PTPRD: variants seen among roughly 807,000 people sequenced by gnomAD.
PTPRD encodes protein tyrosine phosphatase receptor type D, also known as receptor-type tyrosine-protein phosphatase delta.
PTPRD carries 34 observed loss-of-function variants against 214.5 expected under a neutral mutation model. The observed-to-expected ratio is 0.16, with a 90% confidence interval of 0.12 to 0.21. The LOEUF is 0.21. Ranked by LOEUF, PTPRD falls within the 10% of genes least tolerant of loss-of-function variation. The pLI, the probability that PTPRD is intolerant of heterozygous loss-of-function variation, is 1.00. For missense variants in PTPRD, 2,545 were observed against 2,398.7 expected (o/e 1.06, Z -1.27); for synonymous variants, 1,128 against 845.7 (o/e 1.33, Z -5.79).
At chr9:9,541,443 C>A (rs1203019335) in intron 8 of PTPRD, among the ~76,000 whole-genome samples, 1 of 151,798 alleles carries the variant, frequency 6.6e-6, no homozygotes, top group African/African-American at 2.4e-5. Context: ...CAGCCCAACC[C>A]AGCTACAACC....
chr9:9,990,132 G>T (rs1341581287), intron 4 of PTPRD, among the ~76,000 whole-genome samples: 1 of 152,188 alleles, frequency 6.6e-6, no homozygotes, highest in East Asian at 1.9e-4. Flanking sequence ...TGGATGAAAG[G>T]AATGTTGGTT....
intron 10 of PTPRD, among the ~76,000 whole-genome samples, chr9:9,167,768 A>C (rs1377915933): frequency 6.6e-6 from 1 of 152,146 alleles, no homozygotes; most frequent in Non-Finnish European, 1.5e-5. Flanking sequence ...ATAAATAAAT[A>C]AATAAGGAGA....
chr9:9,045,389 T>C (rs1043283522), intron 10 of PTPRD, among the ~76,000 whole-genome samples: 3 of 151,876 alleles, frequency 2.0e-5, no homozygotes, highest in Non-Finnish European at 4.4e-5. Flanking sequence ...TTCTAAGTCG[T>C]GAGCATGTGG....
intron 11 of PTPRD, among the ~76,000 whole-genome samples, chr9:8,845,020 C>G (rs2097658868): frequency 6.6e-6 from 1 of 152,080 alleles, no homozygotes; most frequent in Admixed American, 6.6e-5. Context: ...CTTGCACTGA[C>G]AAGTATAATA....
chr9:8,730,707 T>C (rs2098647710), intron 12 of PTPRD, among the ~76,000 whole-genome samples: 2 of 152,318 alleles, frequency 1.3e-5, no homozygotes, highest in South Asian at 4.1e-4. Flanking sequence ...AAGAAAAACA[T>C]TCACCTGAGG....
At chr9:8,497,998 C>T (rs529761896) in intron 25 of PTPRD, among the ~76,000 whole-genome samples, 10 of 152,258 alleles carry the variant, frequency 6.6e-5, no homozygotes, top group South Asian at 6.2e-4. Context: ...TTTTATACTA[C>T]GATAACTTTC....
At chr9:9,828,929 T>C (rs999378522) in intron 5 of PTPRD, among the ~76,000 whole-genome samples, 2 of 151,922 alleles carry the variant, frequency 1.3e-5, no homozygotes, top group African/African-American at 4.8e-5. Flanking sequence ...TTGCTGTAAA[T>C]GTAGACTTAC....
At chr9:9,420,132 TG>T (rs1325037975) in intron 8 of PTPRD, among the ~76,000 whole-genome samples, 1 of 151,680 alleles carries the variant, frequency 6.6e-6, no homozygotes, top group Non-Finnish European at 1.5e-5. Context: ...AATTTCTCCT[TG>T]TTAAAGTTTA....
At chr9:9,504,724 G>A (rs1332200) in intron 8 of PTPRD, among the ~76,000 whole-genome samples, 64,040 of 151,352 alleles carry the variant, frequency 0.42, 13,917 homozygotes, top group East Asian at 0.72. Flanking sequence ...CTCTATTTGT[G>A]AGATGACATG....
intron 2 of PTPRD, among the ~76,000 whole-genome samples, chr9:10,548,230 G>A (rs373438958): frequency 2.0e-5 from 3 of 152,052 alleles, no homozygotes; most frequent in Non-Finnish European, 4.4e-5. Flanking sequence ...GAACATATGC[G>A]GAATGAGCTT....
intron 7 of PTPRD, among the ~76,000 whole-genome samples, chr9:9,649,418 T>G (rs1473410357): frequency 6.6e-6 from 1 of 152,188 alleles, no homozygotes; most frequent in Non-Finnish European, 1.5e-5. Context: ...CTGCTTAAGT[T>G]TAATGGCATT....
chr9:8,331,804 CCACAAGAA>C, intron 43 of PTPRD, 68 bp from the exon 44 acceptor site: 2 of 1,474,280 alleles, frequency 1.4e-6, no homozygotes, highest in Non-Finnish European at 1.8e-6. Context: ...AGCATACGGA[CCACAAGAA>C]CAATCATTTT....
At chr9:9,138,194 T>A (rs2099854023) in intron 10 of PTPRD, among the ~76,000 whole-genome samples, 1 of 152,114 alleles carries the variant, frequency 6.6e-6, no homozygotes, top group Non-Finnish European at 1.5e-5. Context: ...AAAATGTGAC[T>A]CTTTTATCTG....
chr9:9,141,309 T>C (rs557143441), intron 10 of PTPRD, among the ~76,000 whole-genome samples: 73 of 150,994 alleles, frequency 4.8e-4, no homozygotes, highest in African/African-American at 1.7e-3. Context: ...AGTCATTTCA[T>C]GGAACACGGC....
At chr9:9,330,876 T>C (rs779171158) in intron 9 of PTPRD, among the ~76,000 whole-genome samples, 15 of 151,458 alleles carry the variant, frequency 9.9e-5, no homozygotes, top group Non-Finnish European at 1.5e-4. Context: ...AAAAATGTCA[T>C]ACAGGAGCAT....
chr9:8,772,662 A>T (rs1391916303), intron 11 of PTPRD, among the ~76,000 whole-genome samples: 2 of 152,124 alleles, frequency 1.3e-5, no homozygotes, highest in South Asian at 4.1e-4. Context: ...AATAAAAATA[A>T]TTTTTTAAAA....
chr9:10,308,057 GT>G (rs1332084397), intron 3 of PTPRD, among the ~76,000 whole-genome samples: 2 of 151,732 alleles, frequency 1.3e-5, no homozygotes, highest in East Asian at 3.9e-4. Flanking sequence ...GCTGTGCAGA[GT>G]TTTTAGTTTA....
At chr9:9,962,090 T>G (rs1445279366) in intron 4 of PTPRD, among the ~76,000 whole-genome samples, 1 of 152,140 alleles carries the variant, frequency 6.6e-6, no homozygotes, top group Non-Finnish European at 1.5e-5. Flanking sequence ...CAGAACATCC[T>G]GGGTCTTGCT....
At chr9:9,085,327 T>C (rs1265016496) in intron 10 of PTPRD, among the ~76,000 whole-genome samples, 4 of 152,196 alleles carry the variant, frequency 2.6e-5, no homozygotes, top group Admixed American at 6.5e-5. Context: ...CATTTTATAA[T>C]AATTACTTCC....
Sources: gnomAD v4.1 joint callset for allele counts (sites outside exome capture counted in the v4.1 genomes callset) on GRCh38, gnomAD v4.1.1 for gene constraint, MANE v1.5 for transcripts, NCBI Gene and HGNC (gene_info 2026-07-23, HGNC 2026-07-21) for gene names.